EXT1: variants seen among roughly 807,000 people sequenced by gnomAD.
EXT1 encodes exostosin glycosyltransferase 1.
Under a neutral mutation model 82.5 loss-of-function variants are expected in EXT1, and 20 were observed. The observed-to-expected ratio is 0.24, with a 90% CI of 0.17 to 0.35. The LOEUF is 0.35. EXT1 is among the 10% of genes least tolerant of loss of function. EXT1 has a pLI of 1.00. For synonymous variants in EXT1, 348 were observed against 350.8 expected (o/e 0.99, Z 0.09); for missense variants, 757 against 936.5 (o/e 0.81, Z 2.50).
intron 1 of EXT1, among the ~76,000 whole-genome samples, chr8:117,939,061 A>G (rs1814223586): frequency 6.6e-6 from 1 of 151,540 alleles, no homozygotes; most frequent in South Asian, 2.1e-4. Context: ...TTTCCCCCCA[A>G]TGGAAGCCTC....
intron 1 of EXT1, among the ~76,000 whole-genome samples, chr8:117,897,591 C>CTCTTTTTTTTTTTTTTTTT (rs775608794): frequency 2.2e-5 from 2 of 90,656 alleles, no homozygotes; most frequent in African/African-American, 8.8e-5. Flanking sequence ...CTTCTTTTCT[C>CTCTTTTTTTTTTTTTTTTT]TTTTTTTTTT....
chr8:117,925,155 A>G (rs1022832912), intron 1 of EXT1, among the ~76,000 whole-genome samples: 2 of 152,204 alleles, frequency 1.3e-5, no homozygotes, highest in South Asian at 2.1e-4. Flanking sequence ...ATGGGAATGC[A>G]TTTGAAGTGC....
rs1442421691 is a variant in EXT1 at position 117,795,157 on chromosome 8, GAGGGCTC to G, written c.*4548_*4554del. 1 of 152,214 alleles carries G rather than the reference GAGGGCTC, an allele frequency of 6.6e-6. No homozygotes were observed. Among genetic ancestry groups the G allele is most frequent in the Non-Finnish European group, 1.5e-5 (1 of 68,046 alleles). The allele number at this position is 152,214 out of a possible 1,614,324, so 9.4% of individuals were successfully genotyped here. On this transcript the variant is annotated 3_prime_UTR_variant, in exon 11 of 11. Transcript: ENST00000378204. ...AACAAGGGTGAGACTGTGCTATCCT[GAGGGCTC>G]AGCTTTCTCAAGGTTTGCCTTCTTC...
rs906230630 is a variant in EXT1, at chr8:118,110,322, G to A, written c.725C>T (p.Pro242Leu). Residue 242 changes from proline to leucine, a missense_variant, in exon 1 of 11, where the codon CCC becomes CTC. Around this residue, in one of 4 missense-constraint regions of EXT1, gnomAD observed 247 missense variants for 330.1 expected, o/e 0.75. Transcript: ENST00000378204. ...AAACCCCCTCTCCCCTCCTGTCCTG[G>A]GATGATCCTTAGAAAAGAGGGGAAT... ...VSIPLFSKDH[P>L]RTGGERGFLK... The A allele has an allele frequency of 6.2e-7, 1 of 1,614,050 alleles. No homozygotes were observed. Among genetic ancestry groups the A allele is most frequent in the African/African-American group, 1.3e-5 (1 of 74,912 alleles).
At chr8:117,862,653 G>A (rs17450681) in intron 1 of EXT1, among the ~76,000 whole-genome samples, 9,882 of 145,334 alleles carry the variant, frequency 0.068, 1,357 homozygotes, top group Admixed American at 0.11. Context: ...AATGGGATGT[G>A]GTCCGTGGAG....
intron 1 of EXT1, among the ~76,000 whole-genome samples, chr8:118,025,991 G>A (rs1339627961): frequency 2.0e-5 from 3 of 152,118 alleles, no homozygotes; most frequent in Non-Finnish European, 4.4e-5. Context: ...AAAGGCTCAC[G>A]CAGAAAAGGA....
At chr8:117,883,367 C>T (rs1563590096) in intron 1 of EXT1, among the ~76,000 whole-genome samples, 2 of 152,176 alleles carry the variant, frequency 1.3e-5, no homozygotes, top group South Asian at 4.1e-4. Flanking sequence ...CTTCTTTGGC[C>T]GCTACACTGC....
intron 1 of EXT1, among the ~76,000 whole-genome samples, chr8:118,103,740 T>C (rs796379238): frequency 2.7e-4 from 41 of 152,262 alleles, no homozygotes; most frequent in African/African-American, 9.9e-4. Flanking sequence ...CTTCCTCACT[T>C]TTCTTAGAAG....
rs538240958 is a variant in EXT1, at chr8:118,007,362, A to G, written c.962+102723T>C. Among the ~76,000 whole-genome samples, 8 of 152,298 alleles carry G rather than the reference A, an allele frequency of 5.3e-5. No homozygotes were observed. In the East Asian group the frequency reaches 1.4e-3, roughly 26 times the overall value. On this transcript the variant is annotated intron_variant, in intron 1 of 10. Coordinates refer to ENST00000378204, the MANE Select transcript of EXT1 (RefSeq NM_000127.3). ...ATGCCTACAGACAGGTTACATAAGA[A>G]TATCTGCATCCTTTCTAAGGTAACA...
chr8:117,845,556 TAA>T (rs11284096), intron 1 of EXT1, among the ~76,000 whole-genome samples: 35,297 of 141,440 alleles, frequency 0.25, 4,502 homozygotes, highest in Middle Eastern at 0.39. Flanking sequence ...TAAAAGTAAG[TAA>T]AAAAAAAAAA....
At chr8:117,873,362 A>C (rs1181358100) in intron 1 of EXT1, among the ~76,000 whole-genome samples, 1 of 152,146 alleles carries the variant, frequency 6.6e-6, no homozygotes. Context: ...TCTGACAACG[A>C]AACTACAATT....
At chr8:117,960,414 C>T (rs752198125) in intron 1 of EXT1, among the ~76,000 whole-genome samples, 103 of 152,160 alleles carry the variant, frequency 6.8e-4, no homozygotes, top group Non-Finnish European at 1.4e-3. Flanking sequence ...TTATAAAAAG[C>T]TCCAACCTTA....
In EXT1 at chr8:117,804,682, C is replaced by T. The variant is rs1397370474; in HGVS notation, c.2055+40G>A. On this transcript the variant is annotated intron_variant, in intron 10 of 10. Transcript: ENST00000378204. The stretch of plus-strand genomic sequence containing the variant: ...TCCTCATTACCTGGGGCTGAACCAC[C>T]AGTGAGTGAAGCAAGGGAAGAGGGC... 5 of 1,611,746 alleles carry T rather than the reference C, an allele frequency of 3.1e-6. No individual in the cohort carries two copies. The South Asian group carries it at 5.5e-5, about 18-fold the overall frequency.
intron 1 of EXT1, among the ~76,000 whole-genome samples, chr8:117,922,114 T>G (rs567197702): frequency 1.3e-5 from 2 of 152,086 alleles, no homozygotes; most frequent in African/African-American, 2.4e-5. Context: ...AGGTGGCCCC[T>G]TTTGCTTGAA....
chr8:117,808,832 G>A (rs907027980), intron 8 of EXT1, among the ~76,000 whole-genome samples: 3 of 152,100 alleles, frequency 2.0e-5, no homozygotes, highest in East Asian at 3.9e-4. Context: ...TGGAATCCAC[G>A]GGTTCAGTAA....
intron 1 of EXT1, among the ~76,000 whole-genome samples, chr8:117,953,564 C>G (rs1814531098): frequency 6.6e-6 from 1 of 151,866 alleles, no homozygotes; most frequent in African/African-American, 2.4e-5. Context: ...ATGCTTATGA[C>G]TCAATGTGCC....
At chr8:117,824,598 T>C (rs917917298) in intron 4 of EXT1, among the ~76,000 whole-genome samples, 1 of 152,218 alleles carries the variant, frequency 6.6e-6, no homozygotes, top group Non-Finnish European at 1.5e-5. Flanking sequence ...CCTAAGTTGT[T>C]ATACTTAAGG....
intron 1 of EXT1, among the ~76,000 whole-genome samples, chr8:118,043,569 T>C (rs1013801977): frequency 6.6e-6 from 1 of 152,238 alleles, no homozygotes; most frequent in South Asian, 2.1e-4. Flanking sequence ...CTTAGCATCA[T>C]GTCCACTAAG....
chr8:117,974,823 A>T (rs1815033578), intron 1 of EXT1, among the ~76,000 whole-genome samples: 1 of 152,082 alleles, frequency 6.6e-6, no homozygotes, highest in Non-Finnish European at 1.5e-5. Context: ...TGTTTCCATG[A>T]TCTATGAGCC....
Sources: allele counts gnomAD v4.1 joint callset (sites outside exome capture counted in the v4.1 genomes callset), GRCh38; gene constraint gnomAD v4.1.1; regional missense constraint gnomAD v4.1.1; transcripts MANE v1.5; gene names NCBI Gene and HGNC (gene_info 2026-07-23, HGNC 2026-07-21).